Variants in PKP4 observed in about 807,000 individuals in gnomAD.
PKP4 encodes plakophilin-4.
PKP4 carries 90 observed loss-of-function variants against 145.1 expected under a neutral mutation model. The observed-to-expected ratio is 0.62, with a 90% CI of 0.52 to 0.74. The LOEUF is 0.74. Among genes scored for constraint, PKP4 ranks in the 30% least tolerant of loss-of-function variants. PKP4 has a pLI of 0.00. For synonymous variants in PKP4, 563 were observed against 577.2 expected (o/e 0.98, Z 0.35); for missense variants, 1,340 against 1,482.7 (o/e 0.90, Z 1.58).
intron 1 of PKP4, among the ~76,000 whole-genome samples, chr2:158,520,485 C>T (rs1382948500): frequency 9.9e-5 from 15 of 152,126 alleles, no homozygotes; most frequent in Non-Finnish European, 1.9e-4. Context: ...TTCTATTTAT[C>T]ATCACTGAAA....
At chr2:158,621,574 C>T (rs1190006313) in intron 6 of PKP4, among the ~76,000 whole-genome samples, 153 bp downstream of exon 6, 4 of 152,068 alleles carry the variant, frequency 2.6e-5, no homozygotes, top group Admixed American at 2.0e-4. Flanking sequence ...GGCGAAACCC[C>T]GTCTCTACTA....
At chr2:158,630,354 T>G (rs1163024594) in intron 7 of PKP4, among the ~76,000 whole-genome samples, 1 of 152,260 alleles carries the variant, frequency 6.6e-6, no homozygotes, top group East Asian at 1.9e-4. Context: ...TTAAGGTTCA[T>G]GTACTACTAA....
intron 6 of PKP4, 96 bp downstream of exon 6, chr2:158,621,517 G>A (rs1006271006): frequency 3.3e-5 from 33 of 997,740 alleles, no homozygotes; most frequent in Non-Finnish European, 4.4e-5. Context: ...AGGCCGAGGC[G>A]GGTGGATCAC....
At chr2:158,526,736 C>A (rs1177035691) in intron 1 of PKP4, among the ~76,000 whole-genome samples, 1 of 81,300 alleles carries the variant, frequency 1.2e-5, no homozygotes, top group Non-Finnish European at 2.4e-5. Flanking sequence ...CTAGAAAACC[C>A]CATTGTCTCA....
At chr2:158,544,800 G>T (rs952226428) in intron 2 of PKP4, among the ~76,000 whole-genome samples, 3 of 152,184 alleles carry the variant, frequency 2.0e-5, no homozygotes, top group Admixed American at 6.5e-5. Flanking sequence ...TGTTGGAGCT[G>T]CAGAAGACAA....
Position 158,663,375 on chromosome 2 carries a change from A to T in PKP4, c.2507A>T (p.Glu836Val), listed in dbSNP as rs766704068. Residue 836 changes from glutamate (E) to valine (V), a missense_variant, in exon 15 of 22, where the codon GAA becomes GTA. Coordinates refer to ENST00000389759, the MANE Select transcript of PKP4 (RefSeq NM_003628.6). ...AAACCATATCTGACTCTTCTAGCAG[A>T]AAGTTCCAACCCAGCCACCTTGGAA... ...VVKPYLTLLA[E>V]SSNPATLEGS... 6.2e-7 allele frequency: 1 copy of T among 1,614,160 alleles called. No individual in the cohort carries two copies. Among genetic ancestry groups the T allele is most frequent in the Non-Finnish European group, 8.5e-7 (1 of 1,180,024 alleles).
chr2:158,486,979 A>G lies in PKP4; in HGVS notation c.-6+29761A>G, dbSNP rs577967214. On this transcript the variant is annotated intron_variant, in intron 1 of 21. Coordinates refer to ENST00000389759, the MANE Select transcript of PKP4 (RefSeq NM_003628.6). Reference sequence around the variant, plus strand: ...TACAGTAACATTTTAAATACAAAGGAGACTATCTTCCATGTCAGCTTCATA... The same window carrying G: ...TACAGTAACATTTTAAATACAAAGGGGACTATCTTCCATGTCAGCTTCATA... Among the ~76,000 whole-genome samples, 268 of 152,300 alleles carry G rather than the reference A, an allele frequency of 1.8e-3. 1 individual carries two copies. Among genetic ancestry groups the G allele is most frequent in the Non-Finnish European group, 3.5e-3 (239 of 68,020 alleles).
chr2:158,547,069 G>A lies in PKP4; in HGVS notation c.132+13753G>A, dbSNP rs186064405. On this transcript the variant is annotated intron_variant, in intron 2 of 21. Coordinates refer to ENST00000389759, the MANE Select transcript of PKP4 (RefSeq NM_003628.6). Reference sequence around the variant, plus strand: ...ATGACTTTTACATTTTTGGGCCATGGGGGGGCAGTGGTAAGTGTAAGATGG... The same window carrying A: ...ATGACTTTTACATTTTTGGGCCATGAGGGGGCAGTGGTAAGTGTAAGATGG... Among the ~76,000 whole-genome samples the A allele has an allele frequency of 1.1e-4, 16 of 152,262 alleles. No individual in the cohort carries two copies. The East Asian group carries it at 2.9e-3, about 28-fold the overall frequency.
intron 4 of PKP4, among the ~76,000 whole-genome samples, chr2:158,606,075 T>G (rs986493243): frequency 2.6e-5 from 4 of 152,366 alleles, no homozygotes; most frequent in Non-Finnish European, 5.9e-5. Context: ...TATGACCATT[T>G]GTATAAAAGT....
chr2:158,530,067 A>G (rs1053465001), intron 1 of PKP4, among the ~76,000 whole-genome samples: 1 of 152,164 alleles, frequency 6.6e-6, no homozygotes, highest in Non-Finnish European at 1.5e-5. Context: ...GTTAATGACA[A>G]TGTGATGGAG....
chr2:158,589,154 C>T (rs2049042800), intron 3 of PKP4, among the ~76,000 whole-genome samples: 1 of 152,104 alleles, frequency 6.6e-6, no homozygotes, highest in Non-Finnish European at 1.5e-5. Context: ...AGAATAGCAG[C>T]AGTTGAACAC....
chr2:158,579,452 A>G (rs2048139420), intron 3 of PKP4, among the ~76,000 whole-genome samples: 1 of 152,076 alleles, frequency 6.6e-6, no homozygotes, highest in African/African-American at 2.4e-5. Flanking sequence ...TGTAAAAAAA[A>G]AAAAAAAGCA....
In PKP4 at chr2:158,663,412, G is replaced by T; in HGVS notation, c.2544G>T (p.Gly848=). The stretch of plus-strand genomic sequence containing the variant: ...CAGCCACCTTGGAAGGCTCTGCAGG[G>T]TCTCTCCAGAACCTCTCTGCTGGCA... ...SNPATLEGSA[G]SLQNLSAGNW... is the part of the protein sequence containing the mutation. The change falls in exon 15 of 22, where the codon GGG becomes GGT. Residue 848 remains glycine (G), a synonymous_variant. Coordinates refer to ENST00000389759, the MANE Select transcript of PKP4 (RefSeq NM_003628.6). The T allele has an allele frequency of 1.2e-6, 2 of 1,614,104 alleles. No homozygotes were observed. Among genetic ancestry groups the T allele is most frequent in the Non-Finnish European group, 1.7e-6 (2 of 1,179,982 alleles).
In PKP4 at chr2:158,556,259, A is replaced by G. The variant is rs559636431; in HGVS notation, c.133-21012A>G. ...GTAGTTTAGTTTTTAAAGTTCATTC[A>G]GTACACTAATGGCTTACAATTTAGT... On this transcript the variant is annotated intron_variant, in intron 2 of 21. Coordinates refer to ENST00000389759, the MANE Select transcript of PKP4 (RefSeq NM_003628.6). Among the ~76,000 whole-genome samples, 4 of 152,358 alleles carry G rather than the reference A, an allele frequency of 2.6e-5. No homozygotes were observed. The South Asian group carries it at 6.2e-4, about 24-fold the overall frequency.
intron 1 of PKP4, among the ~76,000 whole-genome samples, chr2:158,520,436 A>G (rs904157307): frequency 5.9e-5 from 9 of 152,244 alleles, no homozygotes; most frequent in Admixed American, 5.2e-4. Flanking sequence ...AATTCTATTA[A>G]AAGTGAATAA....
At chr2:158,509,579 A>G (rs1319275971) in intron 1 of PKP4, among the ~76,000 whole-genome samples, 2 of 152,206 alleles carry the variant, frequency 1.3e-5, no homozygotes, top group Admixed American at 6.5e-5. Context: ...TATTGGTGGA[A>G]TTATAGCTCT....
chr2:158,457,046 C>T lies in PKP4; in HGVS notation c.-178C>T, dbSNP rs1688844268. On this transcript the variant is annotated 5_prime_UTR_variant, in exon 1 of 22. Transcript: ENST00000389759. ...AGAGGGGCAAGTTGGCCACCGCCGCCGCCGGGGGTGGTGGGAGAGCCGCTC... is the reference window on the plus strand; with the variant it reads ...AGAGGGGCAAGTTGGCCACCGCCGCTGCCGGGGGTGGTGGGAGAGCCGCTC... 2.4e-5 allele frequency: 3 copies of T among 125,828 alleles called. No homozygotes were observed. Among genetic ancestry groups the T allele is most frequent in the Admixed American group, 8.4e-5 (1 of 11,960 alleles). The allele number at this position is 125,828 out of a possible 1,614,324, so 7.8% of individuals were successfully genotyped here.
At chr2:158,589,406 C>T (rs927422299) in intron 3 of PKP4, among the ~76,000 whole-genome samples, 1 of 152,148 alleles carries the variant, frequency 6.6e-6, no homozygotes, top group Admixed American at 6.5e-5. Context: ...TTACCTCCTT[C>T]TTGCCACTGC....
intron 2 of PKP4, among the ~76,000 whole-genome samples, chr2:158,571,155 A>G (rs1197739390): frequency 7.2e-5 from 11 of 152,150 alleles, no homozygotes; most frequent in Non-Finnish European, 1.5e-4. Context: ...TAATTGTAGT[A>G]GCTATTGCAG....
Sources: allele counts gnomAD v4.1 joint callset (sites outside exome capture counted in the v4.1 genomes callset), GRCh38; gene constraint gnomAD v4.1.1; transcripts MANE v1.5; gene names NCBI Gene and HGNC (gene_info 2026-07-23, HGNC 2026-07-21).